NBEA: variants seen among roughly 807,000 people sequenced by gnomAD.
The protein encoded by NBEA is neurobeachin.
Under a neutral mutation model 343.4 loss-of-function variants are expected in NBEA, and 44 were observed. That is an observed-to-expected ratio of 0.13 (90% CI 0.10 to 0.16). The LOEUF (loss-of-function observed/expected upper bound fraction) is 0.16, where lower values mean the gene tolerates loss of function less well. NBEA is among the 10% of genes least tolerant of loss of function. The pLI is 1.00. For missense variants in NBEA, 2,555 were observed against 3,631.3 expected, an observed-to-expected ratio of 0.70 and a Z score of 7.62; for synonymous variants, 1,175 against 1,238.7, an observed-to-expected ratio of 0.95 and a Z score of 1.08.
chr13:35,010,911 C>A (rs147543904), intron 1 of NBEA, among the ~76,000 whole-genome samples: 31 of 150,640 alleles, frequency 2.1e-4, no homozygotes, highest in African/African-American at 7.1e-4. Context: ...GACCCCATTT[C>A]TTTAAAAAAA....
intron 33 of NBEA, among the ~76,000 whole-genome samples, chr13:35,222,528 T>C (rs140864654): frequency 2.9e-4 from 44 of 152,274 alleles, no homozygotes; most frequent in African/African-American, 1.0e-3. Flanking sequence ...TTCTTTTTCT[T>C]CTTTTATGCC....
intron 36 of NBEA, among the ~76,000 whole-genome samples, chr13:35,310,218 AG>A (rs2037266751): frequency 6.6e-6 from 1 of 152,188 alleles, no homozygotes. Context: ...TTACAAATAA[AG>A]TATCTAAAAC....
chr13:35,000,486 G>A (rs1486861752), intron 1 of NBEA, among the ~76,000 whole-genome samples: 1 of 151,616 alleles, frequency 6.6e-6, no homozygotes, highest in African/African-American at 2.4e-5. Context: ...AATTTACTAA[G>A]CATTTATATG....
Position 35,156,012 on chromosome 13 carries a change from G to A in NBEA, c.2528-71G>A. The A allele has an allele frequency of 2.0e-6, 3 of 1,493,314 alleles. No individual in the cohort carries two copies. The South Asian group carries it at 3.8e-5, about 19-fold the overall frequency. 92.5% of individuals were successfully genotyped at this position (1,493,314 alleles called of 1,614,324 possible). On this transcript the variant is annotated intron_variant, in intron 19 of 58. Coordinates refer to ENST00000379939, the MANE Select transcript of NBEA (RefSeq NM_001385012.1). ...TATAGTGTTAAGTATTTATTTGAAAGTTGGTAATACTTTTTGAGTTGAACA... is the reference window on the plus strand; with the variant it reads ...TATAGTGTTAAGTATTTATTTGAAAATTGGTAATACTTTTTGAGTTGAACA...
At chr13:35,491,425 T>A (rs1287793302) in intron 41 of NBEA, among the ~76,000 whole-genome samples, 1 of 151,986 alleles carries the variant, frequency 6.6e-6, no homozygotes, top group Non-Finnish European at 1.5e-5. Context: ...ATATATAAGA[T>A]GCATTTCAAA....
At chr13:35,584,314 CT>C (rs67450016) in intron 46 of NBEA, among the ~76,000 whole-genome samples, 1,866 of 134,242 alleles carry the variant, frequency 0.014, 14 homozygotes, top group Non-Finnish European at 0.014. Context: ...GAGTACATAC[CT>C]TTTTTTTTTT....
chr13:35,350,650 C>G (rs1179621817), intron 37 of NBEA, among the ~76,000 whole-genome samples: 1 of 149,826 alleles, frequency 6.7e-6, no homozygotes, highest in African/African-American at 2.5e-5. Context: ...GATTATATTG[C>G]CAGTGTTATT....
At chr13:35,061,661 A>G (rs1378398808) in intron 8 of NBEA, among the ~76,000 whole-genome samples, 3 of 151,722 alleles carry the variant, frequency 2.0e-5, no homozygotes, top group Admixed American at 6.6e-5. Flanking sequence ...ATGAATTGCT[A>G]TATCATAATA....
chr13:35,332,662 A>G (rs529824044), intron 36 of NBEA, among the ~76,000 whole-genome samples: 1 of 152,274 alleles, frequency 6.6e-6, no homozygotes, highest in Admixed American at 6.6e-5. Flanking sequence ...AAAGTGAAAA[A>G]TGTATTAGAA....
At chr13:35,361,955 ATT>A (rs1299681491) in intron 38 of NBEA, among the ~76,000 whole-genome samples, 1 of 151,838 alleles carries the variant, frequency 6.6e-6, no homozygotes, top group East Asian at 1.9e-4. Flanking sequence ...GCTGTCCTAT[ATT>A]TTTACTGGGG....
chr13:35,395,008 T>C (rs1272951729), intron 38 of NBEA, among the ~76,000 whole-genome samples: 1 of 152,176 alleles, frequency 6.6e-6, no homozygotes, highest in Non-Finnish European at 1.5e-5. Context: ...TTGTAACCCA[T>C]GTATTATTTA....
At chr13:35,247,328 CA>C (rs1175315845) in intron 34 of NBEA, among the ~76,000 whole-genome samples, 1 of 152,146 alleles carries the variant, frequency 6.6e-6, no homozygotes, top group Non-Finnish European at 1.5e-5. Context: ...GGAATTGTTA[CA>C]AAATTCAGCT....
At chr13:35,476,862 A>T in intron 41 of NBEA, 2 of 965,578 alleles carry the variant, frequency 2.1e-6, no homozygotes, top group East Asian at 1.1e-4. Flanking sequence ...CCGGCGGAAA[A>T]CCACTCAGGC....
chr13:34,949,860 C>T (rs1217037727), intron 1 of NBEA, among the ~76,000 whole-genome samples: 1 of 151,864 alleles, frequency 6.6e-6, no homozygotes, highest in Non-Finnish European at 1.5e-5. Flanking sequence ...TGTCTTTTTT[C>T]ACCCTCTGGT....
chr13:34,993,246 T>C (rs2060825639), intron 1 of NBEA, among the ~76,000 whole-genome samples: 2 of 152,216 alleles, frequency 1.3e-5, no homozygotes, highest in South Asian at 2.1e-4. Context: ...GCCGAAATAT[T>C]ATTTTTTCAG....
At chr13:35,642,842 G>A (rs2084027738) in intron 49 of NBEA, among the ~76,000 whole-genome samples, 1 of 151,610 alleles carries the variant, frequency 6.6e-6, no homozygotes, top group Admixed American at 6.6e-5. Context: ...TGTGACTTTG[G>A]GCTGAATGTA....
chr13:35,280,059 T>C (rs1369269532), intron 34 of NBEA, among the ~76,000 whole-genome samples: 1 of 152,190 alleles, frequency 6.6e-6, no homozygotes, highest in Non-Finnish European at 1.5e-5. Context: ...TTTGTGTGTA[T>C]CTAGCTAAAT....
intron 5 of NBEA, 41 bp downstream of exon 5, chr13:35,048,725 A>G (rs1314811755): frequency 9.1e-7 from 1 of 1,096,612 alleles, no homozygotes; most frequent in East Asian, 2.6e-5. Flanking sequence ...TTCTTTAAGT[A>G]CTTGAATTCT....
At chr13:35,299,241 A>AT (rs1311304683) in intron 35 of NBEA, among the ~76,000 whole-genome samples, 4 of 152,032 alleles carry the variant, frequency 2.6e-5, no homozygotes, top group African/African-American at 9.7e-5. Flanking sequence ...TTACTCTACC[A>AT]TTTTTCCTTG....
Sources: allele counts gnomAD v4.1 joint callset (sites outside exome capture counted in the v4.1 genomes callset), GRCh38; gene constraint gnomAD v4.1.1; transcripts MANE v1.5; gene names NCBI Gene and HGNC (gene_info 2026-07-23, HGNC 2026-07-21).